Variants in CSMD1 observed in about 807,000 individuals in gnomAD.
CSMD1 encodes the protein CUB and Sushi multiple domains 1.
Under a neutral mutation model 417.5 loss-of-function variants are expected in CSMD1, and 213 were observed. The ratio of observed to expected loss-of-function variants is 0.51; its 90% CI spans 0.46 to 0.57. The LOEUF is 0.57. Among genes scored for constraint, CSMD1 ranks in the 20% least tolerant of loss-of-function variants. The pLI is 0.00. For synonymous variants in CSMD1, 2,862 were observed against 1,736.8 expected, an observed-to-expected ratio of 1.65 and a Z score of -16.11; for missense variants, 6,923 against 4,529.7, an observed-to-expected ratio of 1.53 and a Z score of -15.17.
At chr8:4,795,179 G>C (rs1451172593) in intron 1 of CSMD1, among the ~76,000 whole-genome samples, 1 of 148,406 alleles carries the variant, frequency 6.7e-6, no homozygotes, top group Non-Finnish European at 1.5e-5. Flanking sequence ...ACATTTTTAG[G>C]TGAAAAGACG....
chr8:4,657,201 C>A (rs976910279), intron 1 of CSMD1, among the ~76,000 whole-genome samples: 2 of 152,134 alleles, frequency 1.3e-5, no homozygotes, highest in Non-Finnish European at 2.9e-5. Flanking sequence ...AAAGACCTCA[C>A]AATTTTCCCA....
At chr8:4,251,000 T>A (rs868754594) in intron 3 of CSMD1, among the ~76,000 whole-genome samples, 4 of 152,188 alleles carry the variant, frequency 2.6e-5, no homozygotes, top group Non-Finnish European at 5.9e-5. Flanking sequence ...ATTTCCTAAA[T>A]CACAGTTAAT....
chr8:3,529,603 C>T (rs927553196), intron 10 of CSMD1, among the ~76,000 whole-genome samples: 1 of 152,226 alleles, frequency 6.6e-6, no homozygotes. Context: ...TGCACATCTT[C>T]TGACGCCTAG....
chr8:4,520,828 G>T (rs10102969), intron 2 of CSMD1, among the ~76,000 whole-genome samples: 15 of 151,930 alleles, frequency 9.9e-5, no homozygotes, highest in South Asian at 6.2e-4. Context: ...TAAGTATAAC[G>T]TATATACCAG....
chr8:4,753,624 C>T (rs532586072), intron 1 of CSMD1, among the ~76,000 whole-genome samples: 26 of 152,340 alleles, frequency 1.7e-4, no homozygotes, highest in African/African-American at 6.0e-4. Context: ...AGGCGTCTCA[C>T]TGTTCCGCAG....
intron 2 of CSMD1, among the ~76,000 whole-genome samples, chr8:4,481,113 T>C (rs1345119118): frequency 6.6e-6 from 1 of 152,230 alleles, no homozygotes; most frequent in Non-Finnish European, 1.5e-5. Flanking sequence ...CCAGCCTTAT[T>C]TACAATGAGC....
chr8:4,148,846 C>T lies in CSMD1; in HGVS notation c.416-116747G>A, dbSNP rs570396360. Among the ~76,000 whole-genome samples the T allele has an allele frequency of 2.8e-4, 43 of 152,334 alleles. 1 individual carries two copies. The highest frequency in any genetic ancestry group is 3.7e-4 in the Non-Finnish European group (25 of 68,036). On this transcript the variant is annotated intron_variant, in intron 3 of 69. Coordinates refer to ENST00000635120, the MANE Select transcript of CSMD1 (RefSeq NM_033225.6). ...CCCTCATGCTGCCTTTGGCTTGTGT[C>T]CTGGGAAAGATGGCACATGGTCGAG...
chr8:4,449,121 G>A (rs1404709562), intron 2 of CSMD1, among the ~76,000 whole-genome samples: 3 of 152,136 alleles, frequency 2.0e-5, no homozygotes, highest in African/African-American at 7.2e-5. Context: ...AATAAAACAA[G>A]CTAATGAAGT....
chr8:4,423,454 A>G (rs1797364453), intron 2 of CSMD1, among the ~76,000 whole-genome samples: 1 of 152,100 alleles, frequency 6.6e-6, no homozygotes, highest in Non-Finnish European at 1.5e-5. Context: ...TACATCAATC[A>G]CAACAGCTCA....
intron 3 of CSMD1, among the ~76,000 whole-genome samples, chr8:4,354,165 A>G (rs1272617983): frequency 1.3e-5 from 2 of 152,196 alleles, no homozygotes; most frequent in African/African-American, 2.4e-5. Context: ...AAATTATAGC[A>G]TATTCCCAAA....
At chr8:4,688,736 G>A (rs1263005138) in intron 1 of CSMD1, among the ~76,000 whole-genome samples, 5 of 152,116 alleles carry the variant, frequency 3.3e-5, no homozygotes, top group Non-Finnish European at 7.4e-5. Context: ...ATTACCTCAT[G>A]CAGTGAGTCA....
chr8:4,737,803 G>A (rs762432282), intron 1 of CSMD1, among the ~76,000 whole-genome samples: 2 of 152,172 alleles, frequency 1.3e-5, no homozygotes, highest in Non-Finnish European at 2.9e-5. Context: ...GACAATGGTA[G>A]CATCTAAAGT....
At chr8:3,016,671 C>G (rs1432021323) in intron 52 of CSMD1, among the ~76,000 whole-genome samples, 1 of 152,078 alleles carries the variant, frequency 6.6e-6, no homozygotes, top group African/African-American at 2.4e-5. Context: ...CTCTATGTCT[C>G]TTCCAATTTT....
chr8:3,048,284 A>G (rs904568953), intron 50 of CSMD1, among the ~76,000 whole-genome samples: 1 of 152,218 alleles, frequency 6.6e-6, no homozygotes, highest in Non-Finnish European at 1.5e-5. Flanking sequence ...TTACCAAATT[A>G]TATTAAATAC....
chr8:4,699,719 G>C (rs1232123840), intron 1 of CSMD1, among the ~76,000 whole-genome samples: 1 of 152,102 alleles, frequency 6.6e-6, no homozygotes. Flanking sequence ...CAATTTATGA[G>C]GTGTTAATTT....
chr8:4,043,120 G>A (rs926622937), intron 3 of CSMD1, among the ~76,000 whole-genome samples: 1 of 152,126 alleles, frequency 6.6e-6, no homozygotes, highest in African/African-American at 2.4e-5. Context: ...GTGAGACAGT[G>A]AGACTCTGTC....
chr8:3,323,620 A>G (rs1441216259), intron 23 of CSMD1, among the ~76,000 whole-genome samples: 1 of 152,212 alleles, frequency 6.6e-6, no homozygotes, highest in Non-Finnish European at 1.5e-5. Flanking sequence ...CAGTACTAAG[A>G]GTTTTCAAAA....
intron 41 of CSMD1, among the ~76,000 whole-genome samples, chr8:3,137,511 G>A (rs553237515): frequency 6.6e-6 from 1 of 152,326 alleles, no homozygotes; most frequent in East Asian, 1.9e-4. Flanking sequence ...TCACCTTCAT[G>A]CAGTGTATTG....
intron 1 of CSMD1, among the ~76,000 whole-genome samples, chr8:4,756,913 G>C (rs1384788860): frequency 6.6e-6 from 1 of 152,196 alleles, no homozygotes; most frequent in Non-Finnish European, 1.5e-5. Context: ...CCTTTAACCG[G>C]AAACAGCTGT....
Sources: gnomAD v4.1 joint callset for allele counts (sites outside exome capture counted in the v4.1 genomes callset) on GRCh38, gnomAD v4.1.1 for gene constraint, MANE v1.5 for transcripts, NCBI Gene and HGNC (gene_info 2026-07-23, HGNC 2026-07-21) for gene names.